The following DISP1 variants were observed in gnomAD, a reference collection of about 807,000 sequenced individuals.
DISP1 encodes the protein dispatched RND transporter family member 1, also known as protein dispatched homolog 1.
In DISP1, 30 loss-of-function variants were observed where a neutral mutation model predicts 37.3. The observed-to-expected ratio is 0.80, with a 90% CI of 0.60 to 1.09. DISP1 has a LOEUF of 1.09. DISP1 is among the 50% of genes least tolerant of loss of function. The probability of loss-of-function intolerance (pLI) is 0.00; values close to 1 mark genes in which losing one functional copy is unlikely to be tolerated. For missense variants in DISP1, 1,598 were observed against 1,879.5 expected, an observed-to-expected ratio of 0.85 and a Z score of 2.77; for synonymous variants, 634 against 690.2, an observed-to-expected ratio of 0.92 and a Z score of 1.28.
chr1:222,852,493 C>T (rs1668321810), intron 1 of DISP1, among the ~76,000 whole-genome samples: 1 of 152,064 alleles, frequency 6.6e-6, no homozygotes, highest in Non-Finnish European at 1.5e-5. Flanking sequence ...AGGCATGAGC[C>T]ACCGTGCCCG....
Position 223,005,538 on chromosome 1 carries a change from A to G in DISP1, c.4141A>G (p.Ile1381Val), listed in dbSNP as rs746454664. 1 of 1,614,232 alleles carries G rather than the reference A, an allele frequency of 6.2e-7. No individual in the cohort carries two copies. Among genetic ancestry groups the G allele is most frequent in the Non-Finnish European group, 8.5e-7 (1 of 1,180,048 alleles). Residue 1381 changes from isoleucine (I) to valine (V), a missense_variant, in exon 9 of 9, where the codon ATA becomes GTA. Coordinates refer to ENST00000675850, the MANE Select transcript of DISP1 (RefSeq NM_001377229.1). ...CAATGTACACAGTCTTCAGAGGAGC[A>G]TAGAAGAGCATCTTCCAAAGATGGC... Reference protein sequence around the residue: ...KTNVHSLQRSIEEHLPKMAEP... With the variant: ...KTNVHSLQRSVEEHLPKMAEP...
chr1:222,816,952 A>G (rs1309011318), intron 1 of DISP1, among the ~76,000 whole-genome samples: 4 of 152,226 alleles, frequency 2.6e-5, no homozygotes, highest in Non-Finnish European at 5.9e-5. Context: ...TTTTTGAGAA[A>G]TAAAGCACTT....
intron 8 of DISP1, among the ~76,000 whole-genome samples, chr1:222,997,079 C>A (rs1679130244): frequency 6.6e-6 from 1 of 150,500 alleles, no homozygotes; most frequent in African/African-American, 2.5e-5. Context: ...TGTAAACTAC[C>A]TCAACATGAT....
At chr1:222,908,254 G>A (rs1672019445) in intron 1 of DISP1, among the ~76,000 whole-genome samples, 1 of 152,186 alleles carries the variant, frequency 6.6e-6, no homozygotes, top group South Asian at 2.1e-4. Context: ...AAGAGGTTGT[G>A]TGCCGAAGGA....
intron 1 of DISP1, among the ~76,000 whole-genome samples, chr1:222,918,566 A>T (rs1357770405): frequency 6.6e-6 from 1 of 152,138 alleles, no homozygotes; most frequent in Non-Finnish European, 1.5e-5. Flanking sequence ...TGGAAGTACA[A>T]CTACATGGGA....
chr1:222,860,524 C>A (rs952058750), intron 1 of DISP1, among the ~76,000 whole-genome samples: 1 of 152,122 alleles, frequency 6.6e-6, no homozygotes, highest in Non-Finnish European at 1.5e-5. Context: ...AAAGCCAATA[C>A]GTAATGCCTG....
intron 1 of DISP1, among the ~76,000 whole-genome samples, chr1:222,821,585 G>T (rs1273608639): frequency 6.6e-6 from 1 of 152,032 alleles, no homozygotes; most frequent in Non-Finnish European, 1.5e-5. Context: ...TTTAAAAGTG[G>T]CAGTTTTCGG....
At chr1:222,986,403 A>G (rs1220094304) in intron 4 of DISP1, among the ~76,000 whole-genome samples, 1 of 152,238 alleles carries the variant, frequency 6.6e-6, no homozygotes, top group African/African-American at 2.4e-5. Flanking sequence ...TTTTAATGTC[A>G]CTTGAGCATA....
intron 3 of DISP1, among the ~76,000 whole-genome samples, chr1:222,968,624 A>AT (rs927904080): frequency 6.6e-4 from 101 of 152,174 alleles, no homozygotes; most frequent in Non-Finnish European, 1.3e-3. Context: ...TAATTTTTAG[A>AT]TTTTTTTCCC....
intron 4 of DISP1, among the ~76,000 whole-genome samples, chr1:222,989,191 A>C (rs896537148): frequency 6.6e-6 from 1 of 152,208 alleles, no homozygotes; most frequent in Non-Finnish European, 1.5e-5. Context: ...ATTTGTAACT[A>C]CTAGCATGAT....
At position 222,994,888 on chromosome 1, in the gene DISP1, A is replaced by G. The variant is rs1457890558; in HGVS notation, c.893A>G (p.Asp298Gly). 1 of 1,606,816 alleles carries G rather than the reference A, an allele frequency of 6.2e-7. No homozygotes were observed. The highest frequency in any genetic ancestry group is 8.5e-7 in the Non-Finnish European group (1 of 1,174,222). Residue 298 changes from aspartate to glycine, a missense_variant, in exon 8 of 9, where the codon GAC becomes GGC. Asp to Gly is a moderately conservative substitution (Grantham distance 94, BLOSUM62 -1). Transcript: ENST00000675850. ...CTTTTTTTTTTCATATCACCAGGTG[A>G]CCGATATTCCAGAGTGGTATTTACT... ...KDSFFCDVPS[D>G]RYSRVVFTSS... is the part of the protein sequence containing the mutation.
At chr1:222,933,158 A>T (rs1455069530) in intron 2 of DISP1, among the ~76,000 whole-genome samples, 1 of 151,974 alleles carries the variant, frequency 6.6e-6, no homozygotes, top group East Asian at 1.9e-4. Flanking sequence ...ATACTGCAAT[A>T]TCGTTAAGGT....
At chr1:222,849,357 A>G (rs1254972430) in intron 1 of DISP1, among the ~76,000 whole-genome samples, 8 of 152,166 alleles carry the variant, frequency 5.3e-5, no homozygotes, top group East Asian at 1.9e-4. Context: ...AAAAATACCA[A>G]TTACTGAAAC....
chr1:222,833,693 C>T (rs1666326532), intron 1 of DISP1, among the ~76,000 whole-genome samples: 1 of 152,140 alleles, frequency 6.6e-6, no homozygotes. Flanking sequence ...GTGTTCATTT[C>T]AGATGTTATG....
intron 1 of DISP1, among the ~76,000 whole-genome samples, chr1:222,923,245 A>C (rs543412525): frequency 6.6e-6 from 1 of 152,302 alleles, no homozygotes; most frequent in African/African-American, 2.4e-5. Context: ...CAAGATTGAG[A>C]GTACCTGTGT....
In DISP1 at chr1:222,901,825, C is replaced by T. The variant is rs186958027; in HGVS notation, c.-158-26605C>T. Among the ~76,000 whole-genome samples, 7 of 152,294 alleles carry T rather than the reference C, an allele frequency of 4.6e-5. No individual in the cohort carries two copies. The East Asian group carries it at 1.3e-3, about 29-fold the overall frequency. On this transcript the variant is annotated intron_variant, in intron 1 of 8. Transcript: ENST00000675850. The stretch of plus-strand genomic sequence containing the variant: ...TATGGGTGTGAGCCACTGTCCAATA[C>T]TTATAGATTTTTGTCAGAAATGCTA...
At chr1:222,987,046 G>GATAT (rs67964109) in intron 4 of DISP1, among the ~76,000 whole-genome samples, 2,651 of 146,064 alleles carry the variant, frequency 0.018, 30 homozygotes, top group Middle Eastern at 0.047. Context: ...ACAGGATATG[G>GATAT]ATATATATAT....
chr1:222,945,379 T>C (rs1272430489), intron 3 of DISP1, among the ~76,000 whole-genome samples: 1 of 152,244 alleles, frequency 6.6e-6, no homozygotes, highest in Non-Finnish European at 1.5e-5. Context: ...GTGTGAACAG[T>C]TGATTATTAA....
chr1:222,934,526 G>A (rs1673598307), intron 2 of DISP1, among the ~76,000 whole-genome samples: 1 of 152,060 alleles, frequency 6.6e-6, no homozygotes, highest in African/African-American at 2.4e-5. Context: ...GGCCAACGAG[G>A]TACCAGTAAT....
Sources: allele counts gnomAD v4.1 joint callset (sites outside exome capture counted in the v4.1 genomes callset), GRCh38; gene constraint gnomAD v4.1.1; transcripts MANE v1.5; gene names NCBI Gene and HGNC (gene_info 2026-07-23, HGNC 2026-07-21).